AOX1: variants seen among roughly 807,000 people sequenced by gnomAD.
AOX1 encodes the protein aldehyde oxidase 1.
A neutral mutation model predicts 169.5 loss-of-function variants in AOX1; 153 were observed. The observed-to-expected ratio is 0.90, with a 90% CI of 0.79 to 1.03. The LOEUF (loss-of-function observed/expected upper bound fraction) is 1.03. Ranked by LOEUF, AOX1 falls within the 50% of genes least tolerant of loss-of-function variation. The probability of loss-of-function intolerance (pLI) is 0.00; values close to 1 mark genes in which losing one functional copy is unlikely to be tolerated. For synonymous variants in AOX1, 562 were observed against 581.9 expected (o/e 0.97, Z 0.49); for missense variants, 1,656 against 1,663.9 (o/e 1.00, Z 0.08).
At chr2:200,611,750 A>G (rs930601931) in intron 13 of AOX1, among the ~76,000 whole-genome samples, 15 of 147,576 alleles carry the variant, frequency 1.0e-4, no homozygotes, top group African/African-American at 3.8e-4. Context: ...TTTTGCCCAC[A>G]CTGGAGTGCA....
intron 25 of AOX1, among the ~76,000 whole-genome samples, chr2:200,649,267 C>G (rs1185742582): frequency 6.6e-6 from 1 of 151,814 alleles, no homozygotes; most frequent in African/African-American, 2.4e-5. Flanking sequence ...ACACAGCAAG[C>G]TCCTAGGGCC....
At chr2:200,624,343 C>T (rs2034957371) in intron 19 of AOX1, among the ~76,000 whole-genome samples, 1 of 152,164 alleles carries the variant, frequency 6.6e-6, no homozygotes, top group African/African-American at 2.4e-5. Flanking sequence ...ATATCCATCT[C>T]CAAATTAATG....
chr2:200,611,163 T>C lies in AOX1; in HGVS notation c.1154-221T>C, dbSNP rs113466085. On this transcript the variant is annotated intron_variant, in intron 12 of 34. Coordinates refer to ENST00000374700, the MANE Select transcript of AOX1 (RefSeq NM_001159.4). ...AACCACCACGCCCAGTCGATGTTTT[T>C]ATCGATGAGAAAGCAAGGAAAACAA... Among the ~76,000 whole-genome samples, 332 of 152,282 alleles carry C rather than the reference T, an allele frequency of 2.2e-3. 2 individuals carry two copies. The highest frequency in any genetic ancestry group is 7.5e-3 in the African/African-American group (313 of 41,540).
At position 200,613,833 on chromosome 2, in the gene AOX1, C is replaced by G. The variant is rs143692548; in HGVS notation, c.1478C>G (p.Ala493Gly). The G allele has an allele frequency of 2.5e-3, 4,043 of 1,612,462 alleles. 6 individuals are homozygous for G. Among genetic ancestry groups the G allele is most frequent in the Non-Finnish European group, 3.1e-3 (3,634 of 1,179,830 alleles). Residue 493 changes from alanine (A) to glycine (G), a missense_variant, in exon 15 of 35, where the codon GCC becomes GGC. By Grantham distance (60) the Ala-to-Gly change is moderately conservative. Coordinates refer to ENST00000374700, the MANE Select transcript of AOX1 (RefSeq NM_001159.4). ...RHWNEQMLDI[A>G]CRLILNEVSL... Reference sequence around the variant, plus strand: ...TGGAACGAACAGATGCTGGATATAGCCTGCAGGCTTATTCTGAATGAAGTC... The same window carrying G: ...TGGAACGAACAGATGCTGGATATAGGCTGCAGGCTTATTCTGAATGAAGTC...
chr2:200,627,122 C>T (rs1462375392), intron 19 of AOX1, among the ~76,000 whole-genome samples: 1 of 152,172 alleles, frequency 6.6e-6, no homozygotes, highest in Non-Finnish European at 1.5e-5. Flanking sequence ...CAGTTTTTTT[C>T]TGTGCATATT....
intron 16 of AOX1, among the ~76,000 whole-genome samples, chr2:200,618,603 A>G (rs1223675706): frequency 6.6e-6 from 1 of 152,132 alleles, no homozygotes; most frequent in Non-Finnish European, 1.5e-5. Flanking sequence ...TTCTCTCCTG[A>G]TATTCCAGCC....
At chr2:200,606,821 C>A (rs931451890) in intron 10 of AOX1, among the ~76,000 whole-genome samples, 4 of 152,096 alleles carry the variant, frequency 2.6e-5, no homozygotes, top group African/African-American at 9.7e-5. Context: ...GTGATTTTTG[C>A]ACATTGATTT....
intron 18 of AOX1, among the ~76,000 whole-genome samples, chr2:200,622,475 G>T (rs1045985355): frequency 3.3e-5 from 5 of 152,162 alleles, no homozygotes; most frequent in Non-Finnish European, 5.9e-5. Flanking sequence ...CCTTCCTCTG[G>T]CTCTCCTTGG....
chr2:200,675,030 G>A (rs1248946986), downstream of AOX1, among the ~76,000 whole-genome samples: 1 of 152,200 alleles, frequency 6.6e-6, no homozygotes, highest in Non-Finnish European at 1.5e-5. Context: ...GGGAGTGAGT[G>A]CATGACTGTG....
chr2:200,587,499 A>G (rs1270044416), intron 1 of AOX1, among the ~76,000 whole-genome samples: 4 of 152,136 alleles, frequency 2.6e-5, no homozygotes, highest in African/African-American at 7.2e-5. Context: ...GGCCTGTTCT[A>G]AGACCCTGAG....
intron 20 of AOX1, 104 bp from the exon 21 acceptor site, chr2:200,634,687 A>G: frequency 7.2e-7 from 1 of 1,381,284 alleles, no homozygotes. Flanking sequence ...TGTGCCCAGC[A>G]GAAGTACTAT....
At chr2:200,646,567 T>G (rs2035456392) in intron 25 of AOX1, among the ~76,000 whole-genome samples, 1 of 152,206 alleles carries the variant, frequency 6.6e-6, no homozygotes, top group African/African-American at 2.4e-5. Flanking sequence ...TATATATCTG[T>G]TTAGTCCATT....
downstream of AOX1, among the ~76,000 whole-genome samples, chr2:200,677,935 C>T (rs1468216220): frequency 1.3e-5 from 2 of 152,170 alleles, no homozygotes; most frequent in Admixed American, 1.3e-4. Flanking sequence ...ATGTAACGTG[C>T]CCAAGATCCC....
intron 20 of AOX1, among the ~76,000 whole-genome samples, chr2:200,629,916 G>A (rs2035080947): frequency 6.6e-6 from 1 of 152,098 alleles, no homozygotes; most frequent in Non-Finnish European, 1.5e-5. Flanking sequence ...GTATAAAAAT[G>A]ATACGGGAAT....
Position 200,636,862 on chromosome 2 carries a change from G to C in AOX1, c.2347-49G>C, listed in dbSNP as rs374723823. Reference sequence around the variant, plus strand: ...ATGTGACAATGACAGTCACAATTAAGTCCTTGCTGAAGATGGATCAGATTA... The same window carrying C: ...ATGTGACAATGACAGTCACAATTAACTCCTTGCTGAAGATGGATCAGATTA... On this transcript the variant is annotated intron_variant, in intron 21 of 34. Transcript: ENST00000374700. The C allele has an allele frequency of 2.6e-5, 41 of 1,581,752 alleles. No individual in the cohort carries two copies. In the African/African-American group the frequency reaches 5.0e-4, roughly 19 times the overall value.
At chr2:200,659,098 C>T (rs1242279211) in intron 27 of AOX1, 67 bp from the exon 28 acceptor site, 10 of 1,514,730 alleles carry the variant, frequency 6.6e-6, no homozygotes, top group African/African-American at 4.1e-5. Flanking sequence ...TGTGTTACCA[C>T]GTGGGCATGT....
chr2:200,651,194 C>G lies in AOX1; in HGVS notation c.3068C>G (p.Ala1023Gly). Reference sequence around the variant, plus strand: ...CCTGTTGGCCTTGGCTCACGTGCTGCTGGTCAGGTGAGTTCTCCAAATGCA... The same window carrying G: ...CCTGTTGGCCTTGGCTCACGTGCTGGTGGTCAGGTGAGTTCTCCAAATGCA... ...KFPVGLGSRA[A>G]GQAAALVHIY... Residue 1023 changes from alanine to glycine, a missense_variant, in exon 26 of 35, where the codon GCT (alanine) becomes GGT (glycine). Transcript: ENST00000374700. The G allele has an allele frequency of 6.2e-7, 1 of 1,613,938 alleles. No homozygotes were observed. Among genetic ancestry groups the G allele is most frequent in the South Asian group, 1.1e-5 (1 of 91,076 alleles).
At chr2:200,641,217 GAA>G (rs1488018328) in intron 24 of AOX1, 33 bp downstream of exon 24, 1 of 1,389,528 alleles carries the variant, frequency 7.2e-7, no homozygotes, top group East Asian at 2.3e-5. Context: ...TCACATTCCT[GAA>G]AAGAGTGTTA....
At chr2:200,669,808 T>C (rs1015190202) in intron 34 of AOX1, 66 bp downstream of exon 34, 2 of 1,560,964 alleles carry the variant, frequency 1.3e-6, no homozygotes, top group African/African-American at 1.4e-5. Flanking sequence ...TCTGTTCTTG[T>C]GGTAAGTTTT....
Sources: gnomAD v4.1 joint callset for allele counts (sites outside exome capture counted in the v4.1 genomes callset) on GRCh38, gnomAD v4.1.1 for gene constraint, MANE v1.5 for transcripts, NCBI Gene and HGNC (gene_info 2026-07-23, HGNC 2026-07-21) for gene names.